Variants in CEP128 observed in about 807,000 individuals in gnomAD.
CEP128 encodes the protein centrosomal protein 128.
CEP128 carries 132 observed loss-of-function variants against 156.7 expected under a neutral mutation model. The observed-to-expected ratio is 0.84, with a 90% CI of 0.73 to 0.97. The LOEUF is 0.97. Ranked by LOEUF, CEP128 falls within the 50% of genes least tolerant of loss-of-function variation. CEP128 has a pLI of 0.00. For synonymous variants in CEP128, 469 were observed against 448.9 expected (o/e 1.04, Z -0.57); for missense variants, 1,252 against 1,281.9 (o/e 0.98, Z 0.36).
intron 8 of CEP128, among the ~76,000 whole-genome samples, chr14:80,889,056 A>G (rs1025004199): frequency 2.0e-5 from 3 of 152,182 alleles, no homozygotes; most frequent in African/African-American, 4.8e-5. Context: ...TAAAATACCT[A>G]GGAATACAAC....
intron 19 of CEP128, among the ~76,000 whole-genome samples, chr14:80,682,331 CA>C (rs1187651281): frequency 5.3e-5 from 8 of 151,998 alleles, no homozygotes; most frequent in Non-Finnish European, 7.4e-5. Context: ...CCAGCTGAAG[CA>C]GAAGAAAAAA....
chr14:80,932,616 A>G (rs1442760184), intron 2 of CEP128, among the ~76,000 whole-genome samples: 1 of 152,190 alleles, frequency 6.6e-6, no homozygotes, highest in African/African-American at 2.4e-5. Flanking sequence ...TTTGGGTGTC[A>G]CTGTCTCCCA....
intron 23 of CEP128, among the ~76,000 whole-genome samples, chr14:80,509,451 A>G (rs1317383108): frequency 6.6e-6 from 1 of 152,234 alleles, no homozygotes; most frequent in African/African-American, 2.4e-5. Flanking sequence ...AGAAATGACT[A>G]TCCAGATCTT....
At chr14:80,842,250 T>C (rs1886380617) in intron 9 of CEP128, among the ~76,000 whole-genome samples, 1 of 152,026 alleles carries the variant, frequency 6.6e-6, no homozygotes. Context: ...ATAACTTAAA[T>C]TCTATTGTTT....
intron 13 of CEP128, among the ~76,000 whole-genome samples, chr14:80,801,212 A>G (rs1162652783): frequency 6.6e-6 from 1 of 152,162 alleles, no homozygotes; most frequent in Admixed American, 6.5e-5. Context: ...CTCTCTTTCT[A>G]TTTGAATGCC....
rs200135744 is a variant in CEP128 at position 80,792,974 on chromosome 14, C to A, written c.1346G>T (p.Arg449Leu). Residue 449 changes from arginine (R) to leucine (L), a missense_variant, in exon 14 of 25, where the codon CGC becomes CTC. Physicochemically the swap from Arg to Leu is moderately radical, Grantham distance 102. Coordinates refer to ENST00000555265, the MANE Select transcript of CEP128 (RefSeq NM_152446.5). The part of the protein sequence containing the change: ...HADLQISELT[R>L]HAEDATKQAE... ...CTGCTTGGTTGCATCCTCCGCATGG[C>A]GAGTCAGCTCTGAGATCTGAAGGTC... The A allele has an allele frequency of 1.9e-6, 3 of 1,614,172 alleles. No individual in the cohort carries two copies. Among genetic ancestry groups the A allele is most frequent in the Non-Finnish European group, 2.5e-6 (3 of 1,180,028 alleles).
intron 19 of CEP128, among the ~76,000 whole-genome samples, chr14:80,665,576 G>C (rs926301462): frequency 7.9e-5 from 12 of 152,060 alleles, no homozygotes; most frequent in African/African-American, 2.9e-4. Context: ...AAAGAAAAAG[G>C]GGATAATTCA....
intron 19 of CEP128, among the ~76,000 whole-genome samples, chr14:80,674,550 T>A (rs1411894450): frequency 6.6e-6 from 1 of 152,130 alleles, no homozygotes; most frequent in African/African-American, 2.4e-5. Context: ...TTCTTCTCCT[T>A]ATAAGAACAT....
chr14:80,848,991 C>G (rs1196124643), intron 9 of CEP128, among the ~76,000 whole-genome samples: 1 of 151,746 alleles, frequency 6.6e-6, no homozygotes, highest in Non-Finnish European at 1.5e-5. Context: ...TGTAAAAGAC[C>G]ACAAGGAGGT....
intron 19 of CEP128, among the ~76,000 whole-genome samples, chr14:80,639,629 C>G (rs539657605): frequency 2.8e-4 from 42 of 152,044 alleles, no homozygotes; most frequent in Non-Finnish European, 5.4e-4. Context: ...TATAATTTGT[C>G]TAAAATTAAC....
intron 23 of CEP128, among the ~76,000 whole-genome samples, chr14:80,513,485 GTACTTAAATATTTATATCTTTCGGT>G (rs1292656297): frequency 6.6e-6 from 1 of 151,938 alleles, no homozygotes; most frequent in Non-Finnish European, 1.5e-5. Flanking sequence ...TAACCTTCCC[GTACTTAAATATTTATATCTTTCGGT>G]AGTTTTGGAA....
At chr14:80,612,805 T>C (rs1010400199) in intron 19 of CEP128, among the ~76,000 whole-genome samples, 5 of 152,136 alleles carry the variant, frequency 3.3e-5, no homozygotes, top group Non-Finnish European at 2.9e-5. Flanking sequence ...ATTTCTAAAA[T>C]CCATAAAGAT....
At chr14:80,936,785 G>A (rs1207009717) in intron 2 of CEP128, among the ~76,000 whole-genome samples, 2 of 152,058 alleles carry the variant, frequency 1.3e-5, no homozygotes, top group Non-Finnish European at 2.9e-5. Flanking sequence ...AATGTTATTT[G>A]TTATTTCACT....
Position 80,857,753 on chromosome 14 carries a change from C to CA in CEP128, c.762+5003dup, listed in dbSNP as rs1375843689. On this transcript the variant is annotated intron_variant, in intron 9 of 24. Coordinates refer to ENST00000555265, the MANE Select transcript of CEP128 (RefSeq NM_152446.5). ...CCATCTCAAAAAAAAACAACAACAA[C>CA]AACAACAACAACAACAAAAAACATG... 9.1e-4 allele frequency among the ~76,000 whole-genome samples: 112 copies of CA among 123,028 alleles called. 2 individuals carry two copies. Among genetic ancestry groups the CA allele is most frequent in the Admixed American group, 2.5e-3 (30 of 11,780 alleles). The allele number at this position is 123,028 out of a possible 152,430, so 80.7% of individuals were successfully genotyped here.
intron 19 of CEP128, among the ~76,000 whole-genome samples, chr14:80,732,482 G>GTGTGTA (rs1898323078): frequency 7.6e-6 from 1 of 131,096 alleles, no homozygotes; most frequent in Admixed American, 7.2e-5. Context: ...GTGTGTGTGT[G>GTGTGTA]TGTGTGTGTG....
In CEP128 at chr14:80,641,835, T is replaced by C. The variant is rs534582269; in HGVS notation, c.2807-61412A>G. Among the ~76,000 whole-genome samples the C allele has an allele frequency of 2.1e-4, 32 of 151,984 alleles. 1 individual carries two copies. The East Asian group carries it at 5.6e-3, about 27-fold the overall frequency. ...TATGTTAGGGACAGACAAAATATTA[T>C]ACAAAGAGAGAGAGAAGGCCAAGGC... On this transcript the variant is annotated intron_variant, in intron 19 of 24. Transcript: ENST00000555265.
chr14:80,486,084 T>C (rs1887158259), downstream of CEP128, among the ~76,000 whole-genome samples: 1 of 152,212 alleles, frequency 6.6e-6, no homozygotes. Context: ...TGGGGAATCC[T>C]TAGCAAAGCT....
At chr14:80,633,644 A>G (rs1475088748) in intron 19 of CEP128, among the ~76,000 whole-genome samples, 1 of 152,222 alleles carries the variant, frequency 6.6e-6, no homozygotes, top group Non-Finnish European at 1.5e-5. Flanking sequence ...GACAAGCAAG[A>G]CTTCCCACTA....
intron 24 of CEP128, among the ~76,000 whole-genome samples, chr14:80,498,546 T>A (rs963617326): frequency 3.3e-5 from 5 of 152,170 alleles, no homozygotes; most frequent in African/African-American, 1.2e-4. Flanking sequence ...GGAGCTTTTG[T>A]ACTTTTTGCC....
Sources: gnomAD v4.1 joint callset for allele counts (sites outside exome capture counted in the v4.1 genomes callset) on GRCh38, gnomAD v4.1.1 for gene constraint, MANE v1.5 for transcripts, NCBI Gene and HGNC (gene_info 2026-07-23, HGNC 2026-07-21) for gene names.